Variants in SDK1 observed in about 807,000 individuals in gnomAD.
The protein encoded by SDK1 is sidekick cell adhesion molecule 1.
Under a neutral mutation model 245.5 loss-of-function variants are expected in SDK1, and 157 were observed. That is an observed-to-expected ratio of 0.64 (90% CI 0.56 to 0.73). The LOEUF (loss-of-function observed/expected upper bound fraction) is 0.73, where lower values mean the gene tolerates loss of function less well. SDK1 is among the 30% of genes least tolerant of loss of function. The probability of loss-of-function intolerance (pLI) is 0.00; values close to 1 mark genes in which losing one functional copy is unlikely to be tolerated. For missense variants in SDK1, 3,583 were observed against 3,002.3 expected, an observed-to-expected ratio of 1.19 and a Z score of -4.52; for synonymous variants, 1,647 against 1,278.5, an observed-to-expected ratio of 1.29 and a Z score of -6.15.
At chr7:3,576,212 G>C (rs989259324) in intron 1 of SDK1, among the ~76,000 whole-genome samples, 1 of 152,128 alleles carries the variant, frequency 6.6e-6, no homozygotes, top group African/African-American at 2.4e-5. Context: ...TAATAATGCT[G>C]TGCCATTCAG....
chr7:3,541,589 T>TA (rs1407597785), intron 1 of SDK1, among the ~76,000 whole-genome samples: 35 of 152,374 alleles, frequency 2.3e-4, no homozygotes, highest in African/African-American at 7.7e-4. Flanking sequence ...AAACTTTATA[T>TA]ATAACTATGG....
chr7:3,740,188 G>A (rs911269326), intron 4 of SDK1, among the ~76,000 whole-genome samples: 9 of 152,168 alleles, frequency 5.9e-5, no homozygotes, highest in African/African-American at 2.2e-4. Flanking sequence ...AGTCAGAGGT[G>A]ACGTACACTG....
chr7:4,178,352 C>A, intron 34 of SDK1, 133 bp from the exon 35 acceptor site: 1 of 714,132 alleles, frequency 1.4e-6, no homozygotes, highest in Non-Finnish European at 2.5e-6. Flanking sequence ...GCAGGTATTT[C>A]ACAGATTTCT....
intron 4 of SDK1, among the ~76,000 whole-genome samples, chr7:3,742,552 C>T (rs1779506473): frequency 6.6e-6 from 1 of 152,154 alleles, no homozygotes; most frequent in Admixed American, 6.5e-5. Context: ...AGTCTGCCAC[C>T]CCTAGAAGTT....
intron 1 of SDK1, among the ~76,000 whole-genome samples, chr7:3,476,818 A>G (rs1298466812): frequency 2.0e-5 from 3 of 152,138 alleles, no homozygotes; most frequent in Non-Finnish European, 4.4e-5. Context: ...CTGACTGGGA[A>G]CTCAGGCCTA....
intron 4 of SDK1, among the ~76,000 whole-genome samples, chr7:3,741,311 C>A (rs1779467830): frequency 6.6e-6 from 1 of 152,136 alleles, no homozygotes; most frequent in African/African-American, 2.4e-5. Context: ...CTCACTGGCA[C>A]ACTAAGCAGG....
At chr7:3,757,813 C>A (rs1046295496) in intron 4 of SDK1, among the ~76,000 whole-genome samples, 1 of 152,100 alleles carries the variant, frequency 6.6e-6, no homozygotes, top group African/African-American at 2.4e-5. Context: ...CCTTCAGGCC[C>A]CCTCCCCTCC....
intron 2 of SDK1, 62 bp from the exon 3 acceptor site, chr7:3,638,942 G>A: frequency 1.1e-6 from 1 of 951,998 alleles, no homozygotes; most frequent in South Asian, 1.7e-5. Context: ...AGCATCTGAT[G>A]GTTAGATATA....
intron 35 of SDK1, among the ~76,000 whole-genome samples, chr7:4,192,747 C>A (rs959465764): frequency 1.3e-5 from 2 of 151,952 alleles, no homozygotes; most frequent in South Asian, 2.1e-4. Context: ...ATCTCCAAGA[C>A]CCGCCCGTGT....
chr7:4,123,346 G>A (rs538808857), intron 25 of SDK1, among the ~76,000 whole-genome samples: 22 of 151,868 alleles, frequency 1.4e-4, no homozygotes, highest in Admixed American at 3.9e-4. Context: ...TTTAATGTTA[G>A]TGCCCCCTTT....
At position 3,961,229 on chromosome 7, in the gene SDK1, A is replaced by G. The variant is rs554373091; in HGVS notation, c.1235-1428A>G. ...GGTTATTCCTTATGAAAGTGACATC[A>G]TGTAACTGCTATTATGAGATATTAC... is the stretch of plus-strand genomic sequence containing the variant. On this transcript the variant is annotated intron_variant, in intron 8 of 44. Transcript: ENST00000404826. Among the ~76,000 whole-genome samples, 3 of 152,342 alleles carry G rather than the reference A, an allele frequency of 2.0e-5. No individual in the cohort carries two copies. The East Asian group carries it at 5.8e-4, about 29-fold the overall frequency.
At chr7:3,454,547 C>T (rs1481143181) in intron 1 of SDK1, among the ~76,000 whole-genome samples, 2 of 152,130 alleles carry the variant, frequency 1.3e-5, no homozygotes, top group Non-Finnish European at 2.9e-5. Flanking sequence ...ACTATCCCTT[C>T]CCAATCTCTG....
At chr7:4,244,682 G>C (rs758350942) in intron 43 of SDK1, among the ~76,000 whole-genome samples, 1 of 152,234 alleles carries the variant, frequency 6.6e-6, no homozygotes, top group Non-Finnish European at 1.5e-5. Context: ...TGGGTCCTCT[G>C]CTCAGGGCCT....
intron 1 of SDK1, among the ~76,000 whole-genome samples, chr7:3,515,472 C>G (rs942992789): frequency 2.0e-5 from 3 of 152,114 alleles, no homozygotes; most frequent in African/African-American, 7.2e-5. Context: ...ATTTCTAACT[C>G]TGTAACTTCA....
At chr7:4,099,581 G>A (rs1782401789) in intron 22 of SDK1, among the ~76,000 whole-genome samples, 1 of 106,608 alleles carries the variant, frequency 9.4e-6, no homozygotes, top group Non-Finnish European at 1.9e-5. Flanking sequence ...AGGTGGGACT[G>A]GGCTCTAGGT....
At chr7:4,258,067 CAT>C (rs1162212927) in intron 44 of SDK1, among the ~76,000 whole-genome samples, 1 of 152,232 alleles carries the variant, frequency 6.6e-6, no homozygotes, top group African/African-American at 2.4e-5. Flanking sequence ...TTGGCACCCA[CAT>C]GTGTCACAGA....
intron 5 of SDK1, among the ~76,000 whole-genome samples, chr7:3,939,842 C>A (rs565061700): frequency 6.6e-6 from 1 of 152,320 alleles, no homozygotes; most frequent in African/African-American, 2.4e-5. Context: ...TTTGCTAGGC[C>A]ATTTTAACAA....
At chr7:3,939,348 A>G (rs900572386) in intron 5 of SDK1, among the ~76,000 whole-genome samples, 1 of 152,262 alleles carries the variant, frequency 6.6e-6, no homozygotes, top group African/African-American at 2.4e-5. Flanking sequence ...CAGACACAAC[A>G]AAATATACAC....
At chr7:3,331,781 A>G (rs904368463) in intron 1 of SDK1, among the ~76,000 whole-genome samples, 2 of 152,162 alleles carry the variant, frequency 1.3e-5, no homozygotes, top group African/African-American at 4.8e-5. Flanking sequence ...TATTCCTTGA[A>G]GATAATCTCA....
Sources: allele counts gnomAD v4.1 joint callset (sites outside exome capture counted in the v4.1 genomes callset), GRCh38; gene constraint gnomAD v4.1.1; transcripts MANE v1.5; gene names NCBI Gene and HGNC (gene_info 2026-07-23, HGNC 2026-07-21).